The following CRKL variants were observed in gnomAD, a reference collection of about 807,000 sequenced individuals.
The protein encoded by CRKL is crk-like protein.
CRKL carries 3 observed loss-of-function variants against 23.0 expected under a neutral mutation model. The observed-to-expected ratio is 0.13, with a 90% CI of 0.06 to 0.34. The LOEUF (loss-of-function observed/expected upper bound fraction) is 0.34, where lower values mean the gene tolerates loss of function less well. CRKL is among the 10% of genes least tolerant of loss of function. The pLI is 1.00. For missense variants in CRKL, 256 were observed against 394.5 expected, an observed-to-expected ratio of 0.65 and a Z score of 2.97; for synonymous variants, 188 against 160.7, an observed-to-expected ratio of 1.17 and a Z score of -1.28.
At chr22:20,935,651 C>T (rs752776967) in intron 2 of CRKL, among the ~76,000 whole-genome samples, 13 of 151,530 alleles carry the variant, frequency 8.6e-5, no homozygotes, top group Admixed American at 5.9e-4. Flanking sequence ...CTCAGCCTCC[C>T]GAGTAGCGGG....
intron 2 of CRKL, among the ~76,000 whole-genome samples, chr22:20,947,236 TCTC>T (rs1569138559): frequency 7.0e-6 from 1 of 143,276 alleles, no homozygotes; most frequent in African/African-American, 2.8e-5. Context: ...TTTCTGTCTC[TCTC>T]TCTTTTTTTT....
At chr22:20,941,538 A>G (rs868105332) in intron 2 of CRKL, among the ~76,000 whole-genome samples, 2,272 of 50,398 alleles carry the variant, frequency 0.045, 250 homozygotes, top group African/African-American at 0.15. Context: ...TATATATTTT[A>G]TGTGTGTGTG....
At chr22:20,944,901 G>A (rs1225307661) in intron 2 of CRKL, among the ~76,000 whole-genome samples, 1 of 143,752 alleles carries the variant, frequency 7.0e-6, no homozygotes. Context: ...TATTTTAGTA[G>A]AATTGGGGTT....
rs2147905406 is a variant in CRKL at position 20,934,062 on chromosome 22, G to A, written c.595G>A (p.Gly199Arg). 1.2e-6 allele frequency: 2 copies of A among 1,614,160 alleles called. No individual in the cohort carries two copies. Among genetic ancestry groups the A allele is most frequent in the Non-Finnish European group, 1.7e-6 (2 of 1,180,038 alleles). ...KHGNRNSNSY[G>R]IPEPAHAYAQ... is the part of the protein sequence containing the mutation. The stretch of plus-strand genomic sequence containing the variant: ...TGGAAATAGGAATTCCAACAGTTAT[G>A]GGATCCCAGAACCTGCTCATGCATA... Residue 199 changes from glycine to arginine, a missense_variant, in exon 2 of 3, where the codon GGG becomes AGG. By Grantham distance (125) the Gly-to-Arg change is moderately radical. This residue lies in a region of CRKL where 129 missense variants were observed against 222.1 expected (regional missense o/e 0.58). Coordinates refer to ENST00000354336, the MANE Select transcript of CRKL (RefSeq NM_005207.4).
chr22:20,951,127 G>T lies in CRKL; in HGVS notation c.*1282G>T. 1 of 232,370 alleles carries T rather than the reference G, an allele frequency of 4.3e-6. No homozygotes were observed. The highest frequency in any genetic ancestry group is 5.6e-5 in the Admixed American group (1 of 17,742). The allele number at this position is 232,370 out of a possible 1,614,324, so 14.4% of individuals were successfully genotyped here. ...TCAGACTTAAACTTCCTTAAAAAGT[G>T]GCGTTGTTCATAGAATCGTTGGACT... On this transcript the variant is annotated 3_prime_UTR_variant, in exon 3 of 3. Transcript: ENST00000354336.
chr22:20,946,057 T>C (rs957640703), intron 2 of CRKL, among the ~76,000 whole-genome samples: 1 of 152,244 alleles, frequency 6.6e-6, no homozygotes, highest in Non-Finnish European at 1.5e-5. Flanking sequence ...CTTTGATCAC[T>C]GAGACCCATT....
chr22:20,917,754 G>A lies in CRKL; in HGVS notation c.-181G>A. 2 of 625,168 alleles carry A rather than the reference G, an allele frequency of 3.2e-6. No homozygotes were observed. Among genetic ancestry groups the A allele is most frequent in the South Asian group, 4.1e-5 (2 of 48,502 alleles). 38.7% of individuals were successfully genotyped at this position (625,168 alleles called of 1,614,324 possible). Reference sequence around the variant, plus strand: ...TGTGGCGGCCCCGGAGCAGGCGGGCGGCGTCGGAGGATGCTGCGGGCCCGG... The same window carrying A: ...TGTGGCGGCCCCGGAGCAGGCGGGCAGCGTCGGAGGATGCTGCGGGCCCGG... On this transcript the variant is annotated 5_prime_UTR_variant, in exon 1 of 3. Transcript: ENST00000354336.
chr22:20,932,272 C>CTAATTTTTTG (rs1921483450), intron 1 of CRKL, among the ~76,000 whole-genome samples: 1 of 151,980 alleles, frequency 6.6e-6, no homozygotes, highest in Non-Finnish European at 1.5e-5. Flanking sequence ...CTATGCCCGG[C>CTAATTTTTTG]TCATTTTTTG....
At chr22:20,921,907 A>G (rs1222647995) in intron 1 of CRKL, among the ~76,000 whole-genome samples, 6 of 147,516 alleles carry the variant, frequency 4.1e-5, no homozygotes, top group African/African-American at 2.5e-5. Flanking sequence ...ACGGGGTTTC[A>G]CCATGTTAGC....
chr22:20,921,718 CTTTTTTT>C (rs935279182), intron 1 of CRKL, among the ~76,000 whole-genome samples: 3 of 147,042 alleles, frequency 2.0e-5, no homozygotes, highest in East Asian at 3.9e-4. Flanking sequence ...TTTCTTTTTT[CTTTTTTT>C]TTTTCTTGAG....
Position 20,952,996 on chromosome 22 carries a change from C to T in CRKL, c.*3151C>T, listed in dbSNP as rs749055960. On this transcript the variant is annotated 3_prime_UTR_variant, in exon 3 of 3. Coordinates refer to ENST00000354336, the MANE Select transcript of CRKL (RefSeq NM_005207.4). Reference sequence around the variant, plus strand: ...CCTGGGAGCTCATGTGTCCCTGGCGCTGTGCTAGCTTTCCTTTACAGCTGT... The same window carrying T: ...CCTGGGAGCTCATGTGTCCCTGGCGTTGTGCTAGCTTTCCTTTACAGCTGT... 2.6e-5 allele frequency: 6 copies of T among 231,980 alleles called. No homozygotes were observed. Among genetic ancestry groups the T allele is most frequent in the East Asian group, 1.2e-4 (2 of 16,312 alleles). The allele number at this position is 231,980 out of a possible 1,614,324, so 14.4% of individuals were successfully genotyped here.
intron 1 of CRKL, among the ~76,000 whole-genome samples, chr22:20,919,045 TGAACTCCAGGTTAA>T (rs1161655985): frequency 6.9e-6 from 1 of 144,594 alleles, no homozygotes; most frequent in Non-Finnish European, 1.5e-5. Flanking sequence ...TCCAGATCTC[TGAACTCCAGGTTAA>T]GAACTCCAGG....
At chr22:20,938,897 G>A (rs1921759210) in intron 2 of CRKL, among the ~76,000 whole-genome samples, 1 of 152,112 alleles carries the variant, frequency 6.6e-6, no homozygotes. Flanking sequence ...GGGATCTGTG[G>A]GAATTGAAGT....
At chr22:20,935,298 A>G (rs1370262723) in intron 2 of CRKL, among the ~76,000 whole-genome samples, 1 of 151,926 alleles carries the variant, frequency 6.6e-6, no homozygotes, top group Non-Finnish European at 1.5e-5. Context: ...TTTTTAGTAT[A>G]GATGGGGTTT....
In CRKL at chr22:20,933,846, T is replaced by C; in HGVS notation, c.379T>C (p.Tyr127His). Residue 127 changes from tyrosine (Y) to histidine (H), a missense_variant, in exon 2 of 3, where the codon TAT (tyrosine) becomes CAT (histidine). Tyr to His is a moderately conservative substitution (Grantham distance 83). This residue lies in a region of CRKL where 42 missense variants were observed against 32.7 expected (regional missense o/e 1.29). Coordinates refer to ENST00000354336, the MANE Select transcript of CRKL (RefSeq NM_005207.4). The part of the protein sequence containing the change: ...NLPTAEDNLE[Y>H]VRTLYDFPGN... ...GCCTACAGCAGAAGATAACCTGGAA[T>C]ATGTACGGACTCTGTATGATTTTCC... The C allele has an allele frequency of 6.2e-7, 1 of 1,614,164 alleles. No homozygotes were observed. Among genetic ancestry groups the C allele is most frequent in the Non-Finnish European group, 8.5e-7 (1 of 1,180,032 alleles).
chr22:20,932,282 G>A (rs1451431021), intron 1 of CRKL, among the ~76,000 whole-genome samples: 1 of 151,994 alleles, frequency 6.6e-6, no homozygotes, highest in Non-Finnish European at 1.5e-5. Context: ...CTCATTTTTT[G>A]TCTGTTTAGT....
In CRKL at chr22:20,921,368, T is replaced by A. The variant is rs1314040594; in HGVS notation, c.311+3123T>A. On this transcript the variant is annotated intron_variant, in intron 1 of 2. Coordinates refer to ENST00000354336, the MANE Select transcript of CRKL (RefSeq NM_005207.4). ...TTTTAATTTTATATTTTTATTCAAA[T>A]GTTTATAAGAGAATTATAACCCAGT... Among the ~76,000 whole-genome samples, 9 of 152,360 alleles carry A rather than the reference T, an allele frequency of 5.9e-5. No individual in the cohort carries two copies. The South Asian group carries it at 1.2e-3, about 21-fold the overall frequency.
chr22:20,930,840 C>G (rs950917119), intron 1 of CRKL, among the ~76,000 whole-genome samples: 1 of 151,076 alleles, frequency 6.6e-6, no homozygotes, highest in Non-Finnish European at 1.5e-5. Flanking sequence ...GCCACCACAC[C>G]TGGCTAATTT....
chr22:20,934,115 A>G lies in CRKL; in HGVS notation c.648A>G (p.Leu216=), dbSNP rs1921567147. 1.2e-6 allele frequency: 2 copies of G among 1,614,172 alleles called. No individual in the cohort carries two copies. The highest frequency in any genetic ancestry group is 1.1e-5 in the South Asian group (1 of 91,082). ...CTCAACCTCAGACCACAACTCCTCT[A>G]CCTGCAGTTTCCGGTTCTCCTGGGG... ...AYAQPQTTTP[L]PAVSGSPGAA... The change falls in exon 2 of 3, where the codon CTA becomes CTG. Residue 216 remains leucine, a synonymous_variant. Coordinates refer to ENST00000354336, the MANE Select transcript of CRKL (RefSeq NM_005207.4).
Sources: gnomAD v4.1 joint callset for allele counts (sites outside exome capture counted in the v4.1 genomes callset) on GRCh38, gnomAD v4.1.1 for gene constraint, gnomAD v4.1.1 regional missense constraint, MANE v1.5 for transcripts, NCBI Gene and HGNC (gene_info 2026-07-23, HGNC 2026-07-21) for gene names.